The following LRRC3C variants were observed in gnomAD, a reference collection of about 807,000 sequenced individuals.
LRRC3C encodes leucine-rich repeat-containing protein 3C.
LRRC3C carries 11 observed loss-of-function variants against 14.8 expected under a neutral mutation model. The observed-to-expected ratio is 0.74, with a 90% CI of 0.47 to 1.23. The LOEUF is 1.23. Among genes scored for constraint, LRRC3C ranks in the 50% most tolerant of loss-of-function variants. LRRC3C has a pLI of 0.00. For missense variants in LRRC3C, 354 were observed against 361.8 expected (o/e 0.98, Z 0.18); for synonymous variants, 149 against 161.5 (o/e 0.92, Z 0.59).
chr17:39,944,091 C>G lies in LRRC3C; in HGVS notation c.185C>G (p.Thr62Arg). 6.5e-7 allele frequency: 1 copy of G among 1,536,086 alleles called. No individual in the cohort carries two copies. The highest frequency in any genetic ancestry group is 8.7e-7 in the Non-Finnish European group (1 of 1,146,886). ...GTGGCAAAGGAAGCAGGTGAACGGA[C>G]GTTCCGCTGCAGCCAGGCAGGCCTC... ...CYVAKEAGER[T>R]FRCSQAGLSA... Residue 62 changes from threonine (T) to arginine (R), a missense_variant, in exon 4 of 4, where the codon ACG (threonine) becomes AGG (arginine). Transcript: ENST00000377924.
At chr17:39,933,876 G>A (rs1978725753) in intron 1 of LRRC3C, among the ~76,000 whole-genome samples, 1 of 152,268 alleles carries the variant, frequency 6.6e-6, no homozygotes, top group African/African-American at 2.4e-5. Context: ...GTGCAAGGAA[G>A]GAAAGAACTG....
intron 2 of LRRC3C, among the ~76,000 whole-genome samples, chr17:39,937,926 G>A (rs562862575): frequency 6.6e-6 from 1 of 152,124 alleles, no homozygotes; most frequent in Admixed American, 6.5e-5. Flanking sequence ...GAGGTCAAGA[G>A]TTCGAGACTG....
At chr17:39,941,088 A>C (rs1262128461) in intron 2 of LRRC3C, among the ~76,000 whole-genome samples, 1 of 151,642 alleles carries the variant, frequency 6.6e-6, no homozygotes, top group Admixed American at 6.6e-5. Context: ...GGTGGCTCAC[A>C]TCTGTAATCC....
chr17:39,944,329 C>T lies in LRRC3C; in HGVS notation c.423C>T (p.Ala141=), dbSNP rs1256196790. 1 of 1,535,502 alleles carries T rather than the reference C, an allele frequency of 6.5e-7. No homozygotes were observed. The highest frequency in any genetic ancestry group is 8.7e-7 in the Non-Finnish European group (1 of 1,146,750). The change falls in exon 4 of 4, where the codon GCC becomes GCT. Residue 141 remains alanine (A), a synonymous_variant. Transcript: ENST00000377924. ...RHLDLSANQL[A]SVPVEAFVGL... Reference sequence around the variant, plus strand: ...TCGACCTCTCTGCCAACCAGCTGGCCTCAGTGCCCGTGGAGGCCTTTGTGG... The same window carrying T: ...TCGACCTCTCTGCCAACCAGCTGGCTTCAGTGCCCGTGGAGGCCTTTGTGG...
intron 3 of LRRC3C, among the ~76,000 whole-genome samples, chr17:39,942,269 C>T (rs1341617509): frequency 6.6e-6 from 1 of 152,158 alleles, no homozygotes; most frequent in African/African-American, 2.4e-5. Context: ...GGTGACATGC[C>T]CAGGTCACAC....
chr17:39,928,117 C>T (rs1265771775), intron 1 of LRRC3C, among the ~76,000 whole-genome samples: 1 of 152,214 alleles, frequency 6.6e-6, no homozygotes, highest in African/African-American at 2.4e-5. Flanking sequence ...GTCTGGAGGG[C>T]CCGGAACGGA....
At chr17:39,933,654 A>G (rs1598292229) in intron 1 of LRRC3C, among the ~76,000 whole-genome samples, 2 of 152,056 alleles carry the variant, frequency 1.3e-5, no homozygotes, top group South Asian at 4.2e-4. Context: ...AATGGCGTGA[A>G]CCCGGGAGGC....
At chr17:39,943,404 G>T (rs960894827) in intron 3 of LRRC3C, among the ~76,000 whole-genome samples, 1 of 152,148 alleles carries the variant, frequency 6.6e-6, no homozygotes, top group African/African-American at 2.4e-5. Flanking sequence ...CCCGGAAAAG[G>T]GGTAGATGGG....
intron 2 of LRRC3C, among the ~76,000 whole-genome samples, chr17:39,939,099 C>G (rs966354947): frequency 6.6e-6 from 1 of 151,922 alleles, no homozygotes; most frequent in African/African-American, 2.4e-5. Context: ...GACTGTCCCA[C>G]AAACCTATTC....
intron 2 of LRRC3C, among the ~76,000 whole-genome samples, chr17:39,937,050 T>G (rs1013455825): frequency 1.3e-5 from 2 of 151,340 alleles, no homozygotes; most frequent in African/African-American, 4.9e-5. Flanking sequence ...GGTAGGAGAA[T>G]TGCTTGAACC....
chr17:39,940,318 C>A (rs1295010245), intron 2 of LRRC3C, among the ~76,000 whole-genome samples: 1 of 152,224 alleles, frequency 6.6e-6, no homozygotes, highest in East Asian at 1.9e-4. Flanking sequence ...CACAGGCATG[C>A]GGCTGACGAG....
chr17:39,941,277 G>A (rs965659232), intron 2 of LRRC3C, among the ~76,000 whole-genome samples, 166 bp from the exon 3 acceptor site: 1 of 151,288 alleles, frequency 6.6e-6, no homozygotes, highest in East Asian at 2.0e-4. Context: ...TTTTAACCTG[G>A]GAGGCAGAGG....
In LRRC3C at chr17:39,943,996, GC is replaced by G; in HGVS notation, c.94del (p.Leu32SerfsTer4). 2 of 1,536,112 alleles carry G rather than the reference GC, an allele frequency of 1.3e-6. No homozygotes were observed. Among genetic ancestry groups the G allele is most frequent in the Non-Finnish European group, 1.7e-6 (2 of 1,146,880 alleles). On this transcript the variant is annotated frameshift_variant, in exon 4 of 4. Coordinates refer to ENST00000377924, the MANE Select transcript of LRRC3C (RefSeq NM_001195545.2). LOFTEE classifies it high-confidence loss of function. The part of the protein sequence containing the change: ...AMLPTAGHLL[P>X]LLLVIGTGGT... Reference sequence around the variant, plus strand: ...TGCTCCCAACAGCAGGTCACCTCCTGCCCCTCCTGCTGGTGATAGGCACAGG... The same window carrying G: ...TGCTCCCAACAGCAGGTCACCTCCTGCCCTCCTGCTGGTGATAGGCACAGG...
At position 39,944,410 on chromosome 17, in the gene LRRC3C, C is replaced by T. The variant is rs1568120707; in HGVS notation, c.504C>T (p.Leu168=). Residue 168 remains leucine, a synonymous_variant, in exon 4 of 4, where the codon CTC becomes CTT. Coordinates refer to ENST00000377924, the MANE Select transcript of LRRC3C (RefSeq NM_001195545.2). Reference sequence around the variant, plus strand: ...ACCCATGGCACTGTGACTGCGCCCTCCAGGAAGTGCTCCGGCAGGTGAGGC... The same window carrying T: ...ACCCATGGCACTGTGACTGCGCCCTTCAGGAAGTGCTCCGGCAGGTGAGGC... ...SANPWHCDCA[L]QEVLRQVRLV... The T allele has an allele frequency of 1.3e-6, 2 of 1,502,536 alleles. No homozygotes were observed. The highest frequency in any genetic ancestry group is 1.3e-5 in the South Asian group (1 of 78,204). 93.1% of individuals were successfully genotyped at this position (1,502,536 alleles called of 1,614,324 possible).
chr17:39,941,941 G>T (rs1035855488), intron 3 of LRRC3C, among the ~76,000 whole-genome samples: 1 of 152,156 alleles, frequency 6.6e-6, no homozygotes, highest in African/African-American at 2.4e-5. Context: ...AGTGTGGGTA[G>T]GATGGTGCCA....
chr17:39,941,527 C>A lies in LRRC3C; in HGVS notation c.4C>A (p.Arg2Ser), dbSNP rs774102986. ...ATCCTTCTCAGAAAGGTCTCCAATGCGTATGACCTCATCTTCCTTCGTGTA... is the reference window on the plus strand; with the variant it reads ...ATCCTTCTCAGAAAGGTCTCCAATGAGTATGACCTCATCTTCCTTCGTGTA... Reference protein sequence around the residue: MRMTSSSFVSYC... With the variant: MSMTSSSFVSYC... The change falls in exon 3 of 4, where the codon CGT (arginine) becomes AGT (serine). Residue 2 changes from arginine to serine, a missense_variant. Arg to Ser is a moderately radical substitution (Grantham distance 110, BLOSUM62 -1). Coordinates refer to ENST00000377924, the MANE Select transcript of LRRC3C (RefSeq NM_001195545.2). 1 of 1,535,670 alleles carries A rather than the reference C, an allele frequency of 6.5e-7. No individual in the cohort carries two copies. Among genetic ancestry groups the A allele is most frequent in the South Asian group, 1.2e-5 (1 of 84,036 alleles).
In LRRC3C at chr17:39,944,054, C is replaced by T. The variant is rs1465838505; in HGVS notation, c.148C>T (p.Arg50Trp). 6.5e-6 allele frequency: 10 copies of T among 1,535,944 alleles called. No homozygotes were observed. Among genetic ancestry groups the T allele is most frequent in the Non-Finnish European group, 8.7e-6 (10 of 1,146,882 alleles). ...GTVPSPQVPPRGCYVAKEAGE... is the reference protein window; with the variant it reads ...GTVPSPQVPPWGCYVAKEAGE... ...TGTGCCCAGCCCCCAGGTGCCTCCC[C>T]GGGGCTGTTATGTGGCAAAGGAAGC... is the stretch of plus-strand genomic sequence containing the variant. Residue 50 changes from arginine (R) to tryptophan (W), a missense_variant, in exon 4 of 4, where the codon CGG (arginine) becomes TGG (tryptophan). By Grantham distance (101) the Arg-to-Trp change is moderately radical. Transcript: ENST00000377924.
chr17:39,929,366 C>T (rs896981984), intron 1 of LRRC3C: 2 of 152,098 alleles, frequency 1.3e-5, no homozygotes, highest in Non-Finnish European at 2.9e-5. Context: ...CTCCTGTTAT[C>T]GAGGATTTTT....
chr17:39,933,599 G>A (rs943489687), intron 1 of LRRC3C, among the ~76,000 whole-genome samples: 8 of 152,174 alleles, frequency 5.3e-5, no homozygotes, highest in African/African-American at 1.4e-4. Flanking sequence ...CGGGCGTGGT[G>A]GCGGGCGCCT....
Sources: allele counts gnomAD v4.1 joint callset (sites outside exome capture counted in the v4.1 genomes callset), GRCh38; gene constraint gnomAD v4.1.1; transcripts MANE v1.5; gene names NCBI Gene and HGNC (gene_info 2026-07-23, HGNC 2026-07-21).